RIMS2: variants seen among roughly 807,000 people sequenced by gnomAD.
The protein encoded by RIMS2 is regulating synaptic membrane exocytosis protein 2.
A neutral mutation model predicts 174.4 loss-of-function variants in RIMS2; 59 were observed. The ratio of observed to expected loss-of-function variants is 0.34; its 90% CI spans 0.27 to 0.42. The LOEUF (loss-of-function observed/expected upper bound fraction) is 0.42, where lower values mean the gene tolerates loss of function less well. Among genes scored for constraint, RIMS2 ranks in the 10% least tolerant of loss-of-function variants. RIMS2 has a pLI of 1.00. For synonymous variants in RIMS2, 606 were observed against 572.5 expected (o/e 1.06, Z -0.84); for missense variants, 1,620 against 1,666.3 (o/e 0.97, Z 0.48).
chr8:103,947,269 T>C (rs1412785081), intron 14 of RIMS2, among the ~76,000 whole-genome samples: 2 of 152,182 alleles, frequency 1.3e-5, no homozygotes, highest in Non-Finnish European at 2.9e-5. Flanking sequence ...AAATTTAAAA[T>C]ATTTGCTTTT....
chr8:103,940,052 C>A (rs1309617588), intron 13 of RIMS2, among the ~76,000 whole-genome samples: 1 of 152,234 alleles, frequency 6.6e-6, no homozygotes, highest in Admixed American at 6.5e-5. Context: ...GTTCCAACCC[C>A]TGCCCATTAC....
At chr8:104,174,027 A>G (rs552136991) in intron 19 of RIMS2, among the ~76,000 whole-genome samples, 20 of 151,474 alleles carry the variant, frequency 1.3e-4, no homozygotes, top group Middle Eastern at 3.4e-3. Flanking sequence ...GCCCACTGCA[A>G]TCTCTGCCTC....
At chr8:103,633,859 T>C (rs989949450) in intron 1 of RIMS2, among the ~76,000 whole-genome samples, 30 of 152,232 alleles carry the variant, frequency 2.0e-4, no homozygotes, top group African/African-American at 6.3e-4. Flanking sequence ...TTCCTATTTC[T>C]GTGGCATCAG....
At chr8:103,781,030 A>G (rs1435905586) in intron 3 of RIMS2, among the ~76,000 whole-genome samples, 1 of 152,128 alleles carries the variant, frequency 6.6e-6, no homozygotes, top group Non-Finnish European at 1.5e-5. Flanking sequence ...GAAAAGTCCA[A>G]AGGGGATATT....
intron 3 of RIMS2, among the ~76,000 whole-genome samples, chr8:103,847,273 G>A (rs539276535): frequency 1.3e-3 from 203 of 152,154 alleles, no homozygotes; most frequent in Non-Finnish European, 2.4e-3. Context: ...TGAATTCTAC[G>A]TATCGGGGGC....
At chr8:103,850,614 A>G (rs923354889) in intron 3 of RIMS2, among the ~76,000 whole-genome samples, 2 of 152,008 alleles carry the variant, frequency 1.3e-5, no homozygotes, top group Non-Finnish European at 2.9e-5. Context: ...TCCTAATTCT[A>G]ATCTTTGTAT....
At chr8:103,656,482 G>A (rs2096533350) in intron 1 of RIMS2, among the ~76,000 whole-genome samples, 1 of 152,086 alleles carries the variant, frequency 6.6e-6, no homozygotes, top group South Asian at 2.1e-4. Flanking sequence ...CCTATCCTGG[G>A]TCCTGAGATA....
At chr8:103,523,129 T>A (rs1350298974) in intron 1 of RIMS2, among the ~76,000 whole-genome samples, 2 of 151,858 alleles carry the variant, frequency 1.3e-5, no homozygotes, top group African/African-American at 4.8e-5. Context: ...CATGTGTGTG[T>A]GTGTGCAGTA....
chr8:103,851,664 CACA>C (rs2098998944), intron 3 of RIMS2, among the ~76,000 whole-genome samples: 4 of 150,560 alleles, frequency 2.7e-5, no homozygotes, highest in African/African-American at 4.9e-5. Context: ...CACACACACA[CACA>C]CACACACACA....
chr8:103,774,415 G>A (rs2098289184), intron 3 of RIMS2, among the ~76,000 whole-genome samples: 1 of 152,094 alleles, frequency 6.6e-6, no homozygotes, highest in South Asian at 2.1e-4. Flanking sequence ...TTCCAAAATG[G>A]AAACTTCCCA....
At chr8:103,645,131 C>T (rs1001449748) in intron 1 of RIMS2, among the ~76,000 whole-genome samples, 1 of 151,756 alleles carries the variant, frequency 6.6e-6, no homozygotes, top group African/African-American at 2.4e-5. Context: ...TTATCTTTTT[C>T]TCAAAGAAAT....
chr8:104,248,853 G>A (rs2099348456), intron 21 of RIMS2, 40 bp downstream of exon 27: 1 of 1,025,352 alleles, frequency 9.8e-7, no homozygotes, highest in African/African-American at 1.6e-5. Context: ...TTTTGTTTTA[G>A]ATTGTTGAAA....
chr8:103,575,679 C>CATAT (rs112166531), intron 1 of RIMS2, among the ~76,000 whole-genome samples: 3,304 of 140,914 alleles, frequency 0.023, 75 homozygotes, highest in African/African-American at 0.048. Flanking sequence ...CATACACACA[C>CATAT]ACACACATAT....
At position 103,975,345 on chromosome 8, in the gene RIMS2, T is replaced by C; in HGVS notation, c.2771-5T>C. 6.2e-7 allele frequency: 1 copy of C among 1,606,644 alleles called. No homozygotes were observed. Among genetic ancestry groups the C allele is most frequent in the South Asian group, 1.1e-5 (1 of 90,774 alleles). ...CTATAATATTTATTAATTTTCTACC[T>C]TTAGATTATCGACATGATGGTCGAG... On this transcript the variant is annotated splice_polypyrimidine_tract_variant and splice_region_variant and intron_variant, in intron 15 of 23. Coordinates refer to ENST00000504942, the Ensembl canonical transcript of RIMS2.
intron 15 of RIMS2, among the ~76,000 whole-genome samples, chr8:103,969,779 G>A (rs185629264): frequency 2.6e-5 from 4 of 151,908 alleles, no homozygotes; most frequent in Admixed American, 6.6e-5. Flanking sequence ...ACAGGGACTC[G>A]CTCAGTCGCC....
chr8:104,184,207 T>A (rs894348680), intron 19 of RIMS2, among the ~76,000 whole-genome samples: 1 of 151,656 alleles, frequency 6.6e-6, no homozygotes, highest in Non-Finnish European at 1.5e-5. Context: ...AAAGTAACAA[T>A]GTTATTACAT....
intron 1 of RIMS2, among the ~76,000 whole-genome samples, chr8:103,658,341 G>C (rs1438881146): frequency 6.6e-6 from 1 of 152,212 alleles, no homozygotes; most frequent in Non-Finnish European, 1.5e-5. Context: ...GGCCGTATGT[G>C]AATGTATACA....
chr8:103,928,143 T>TGTA (rs2079143019), intron 11 of RIMS2, among the ~76,000 whole-genome samples: 1 of 151,564 alleles, frequency 6.6e-6, no homozygotes, highest in African/African-American at 2.4e-5. Context: ...GATTTCAAAA[T>TGTA]GGCATTTAAT....
At chr8:104,084,188 C>G (rs1233875375) in intron 19 of RIMS2, among the ~76,000 whole-genome samples, 1 of 151,910 alleles carries the variant, frequency 6.6e-6, no homozygotes, top group Non-Finnish European at 1.5e-5. Context: ...TGCCTGTAAT[C>G]CCAGCAATTT....
Sources: gnomAD v4.1 joint callset for allele counts (sites outside exome capture counted in the v4.1 genomes callset) on GRCh38, gnomAD v4.1.1 for gene constraint, MANE v1.5 for transcripts, NCBI Gene and HGNC (gene_info 2026-07-23, HGNC 2026-07-21) for gene names.